Variants in PDE10A observed in about 807,000 individuals in gnomAD.
The protein encoded by PDE10A is phosphodiesterase 10A, also known as cAMP and cAMP-inhibited cGMP 3',5'-cyclic phosphodiesterase 10A.
A neutral mutation model predicts 97.7 loss-of-function variants in PDE10A; 39 were observed. That is an observed-to-expected ratio of 0.40 (90% CI 0.31 to 0.52). PDE10A has a LOEUF of 0.52. Ranked by LOEUF, PDE10A falls within the 20% of genes least tolerant of loss-of-function variation. The pLI, the probability that PDE10A is intolerant of heterozygous loss-of-function variation, is 0.56. For synonymous variants in PDE10A, 371 were observed against 376.8 expected (o/e 0.98, Z 0.18); for missense variants, 731 against 1,047.8 (o/e 0.70, Z 4.17).
At chr6:165,587,253 A>T (rs1204294074) in intron 1 of PDE10A, among the ~76,000 whole-genome samples, 1 of 152,220 alleles carries the variant, frequency 6.6e-6, no homozygotes, top group African/African-American at 2.4e-5. Flanking sequence ...GAATGAAAGA[A>T]AGAAGTAAAG....
intron 1 of PDE10A, among the ~76,000 whole-genome samples, chr6:165,842,096 T>C (rs1245302131): frequency 6.6e-6 from 1 of 152,266 alleles, no homozygotes; most frequent in African/African-American, 2.4e-5. Context: ...AATATAACCA[T>C]GGTTCTTCCC....
At chr6:165,708,711 T>C (rs1791786793) in intron 1 of PDE10A, among the ~76,000 whole-genome samples, 1 of 148,626 alleles carries the variant, frequency 6.7e-6, no homozygotes, top group Non-Finnish European at 1.5e-5. Flanking sequence ...CTCACCACTC[T>C]CTACCCCCAT....
chr6:165,380,842 C>A (rs1287871357), intron 17 of PDE10A, among the ~76,000 whole-genome samples: 1 of 152,212 alleles, frequency 6.6e-6, no homozygotes, highest in Non-Finnish European at 1.5e-5. Context: ...GCTATGGTAT[C>A]TGCTTTCCTT....
intron 10 of PDE10A, among the ~76,000 whole-genome samples, chr6:165,425,174 G>A (rs1348359520): frequency 6.6e-6 from 1 of 151,938 alleles, no homozygotes; most frequent in Non-Finnish European, 1.5e-5. Flanking sequence ...ACTATAAACT[G>A]GAAAAATAAG....
chr6:165,391,858 A>G (rs1467502270), intron 16 of PDE10A, among the ~76,000 whole-genome samples: 1 of 152,192 alleles, frequency 6.6e-6, no homozygotes. Context: ...GAAAAGCACA[A>G]TTTATTTATC....
At chr6:165,926,531 G>A (rs1015582113) in intron 1 of PDE10A, among the ~76,000 whole-genome samples, 1 of 152,190 alleles carries the variant, frequency 6.6e-6, no homozygotes, top group Non-Finnish European at 1.5e-5. Flanking sequence ...CAGTTAATTT[G>A]GAAACCCTAA....
chr6:165,553,308 C>T (rs921768623), intron 1 of PDE10A, among the ~76,000 whole-genome samples: 3 of 151,988 alleles, frequency 2.0e-5, no homozygotes, highest in Non-Finnish European at 4.4e-5. Context: ...CAGACGTAAA[C>T]AGTTTTCACT....
At chr6:165,723,165 G>A (rs1170328279) in intron 1 of PDE10A, among the ~76,000 whole-genome samples, 10 of 152,222 alleles carry the variant, frequency 6.6e-5, no homozygotes, top group East Asian at 5.8e-4. Flanking sequence ...ACTGAGAACC[G>A]TGGTCACAGC....
intron 2 of PDE10A, among the ~76,000 whole-genome samples, chr6:165,498,422 CCAAAAAAAAAAAAAAAAAAAAAA>C: frequency 4.8e-5 from 1 of 20,842 alleles, no homozygotes; most frequent in African/African-American, 1.7e-4. Context: ...GACCCTGTCT[CCAAAAAAAAAAAAAAAAAAAAAA>C]AAAAAAAAAA....
intron 1 of PDE10A, among the ~76,000 whole-genome samples, chr6:165,646,808 C>G (rs1016307108): frequency 2.0e-5 from 3 of 152,162 alleles, no homozygotes; most frequent in African/African-American, 7.2e-5. Context: ...GAAATATGAC[C>G]TACTGAGAGA....
intron 3 of PDE10A, 52 bp downstream of exon 3, chr6:165,482,263 A>G: frequency 8.1e-7 from 1 of 1,237,208 alleles, no homozygotes; most frequent in Non-Finnish European, 1.2e-6. Flanking sequence ...GATAAACAAA[A>G]CAGATTCATT....
chr6:165,352,484 T>C (rs1005784167), intron 18 of PDE10A, among the ~76,000 whole-genome samples: 1 of 152,168 alleles, frequency 6.6e-6, no homozygotes, highest in Non-Finnish European at 1.5e-5. Context: ...TATTACCATA[T>C]ATTAGCTATA....
chr6:165,445,349 G>A (rs1028539294), intron 5 of PDE10A, among the ~76,000 whole-genome samples: 15 of 152,186 alleles, frequency 9.9e-5, no homozygotes, highest in African/African-American at 3.6e-4. Flanking sequence ...AATCTAAAAG[G>A]AAGTAAATAA....
chr6:165,963,369 G>A (rs997380599), intron 1 of PDE10A, among the ~76,000 whole-genome samples: 1 of 152,162 alleles, frequency 6.6e-6, no homozygotes, highest in Non-Finnish European at 1.5e-5. Context: ...ACTTACACAG[G>A]CCTAGTAGGA....
intron 18 of PDE10A, among the ~76,000 whole-genome samples, chr6:165,361,849 A>C (rs2128193384): frequency 6.6e-6 from 1 of 152,348 alleles, no homozygotes; most frequent in Middle Eastern, 3.4e-3. Context: ...TCTGGCCTTA[A>C]GAATTGTGAG....
At chr6:165,337,139 G>C (rs893397041) in intron 20 of PDE10A, among the ~76,000 whole-genome samples, 38 of 152,008 alleles carry the variant, frequency 2.5e-4, no homozygotes, top group Non-Finnish European at 4.0e-4. Context: ...AAAATCTGTA[G>C]TATTTTAAAT....
intron 1 of PDE10A, among the ~76,000 whole-genome samples, chr6:165,932,548 C>G (rs562359457): frequency 2.7e-4 from 41 of 152,292 alleles, no homozygotes; most frequent in African/African-American, 9.9e-4. Context: ...ATTGGTCAGG[C>G]TGGTCTCGAA....
intron 1 of PDE10A, among the ~76,000 whole-genome samples, chr6:165,565,735 G>A (rs656932): frequency 0.91 from 138,189 of 152,250 alleles, 63,380 homozygotes; most frequent in Non-Finnish European, 0.98. Context: ...TAATGGATAC[G>A]TGGATCAATG....
chr6:165,433,218 T>C lies in PDE10A; in HGVS notation c.1336-89A>G, dbSNP rs1237245515. ...TTTCTATCAGAAATTGCCATGATAC[T>C]TGTAATCAATAATAAGCAGTACTTT... On this transcript the variant is annotated intron_variant, in intron 6 of 21. Coordinates refer to ENST00000539869, the MANE Select transcript of PDE10A (RefSeq NM_001385079.1). 5 of 941,212 alleles carry C rather than the reference T, an allele frequency of 5.3e-6. No individual in the cohort carries two copies. The East Asian group carries it at 7.6e-5, about 14-fold the overall frequency. The allele number at this position is 941,212 out of a possible 1,614,324, so 58.3% of individuals were successfully genotyped here.
Sources: allele counts gnomAD v4.1 joint callset (sites outside exome capture counted in the v4.1 genomes callset), GRCh38; gene constraint gnomAD v4.1.1; transcripts MANE v1.5; gene names NCBI Gene and HGNC (gene_info 2026-07-23, HGNC 2026-07-21).